HTR2C: variants seen among roughly 807,000 people sequenced by gnomAD.
The protein encoded by HTR2C is 5-hydroxytryptamine (serotonin) receptor 2C, G protein-coupled.
A neutral mutation model predicts 21.0 loss-of-function variants in HTR2C; 5 were observed. The ratio of observed to expected loss-of-function variants is 0.24; its 90% CI spans 0.12 to 0.50. The LOEUF (loss-of-function observed/expected upper bound fraction) is 0.50. Among genes scored for constraint, HTR2C ranks in the 20% least tolerant of loss-of-function variants. The pLI, the probability that HTR2C is intolerant of heterozygous loss-of-function variation, is 0.98. For synonymous variants in HTR2C, 150 were observed against 145.3 expected (o/e 1.03, Z -0.23); for missense variants, 271 against 371.2 (o/e 0.73, Z 2.22).
chrX:114,699,296 C>A (rs1210531019), intron 2 of HTR2C, among the ~76,000 whole-genome samples: 1 of 111,841 alleles, frequency 8.9e-6, no homozygotes, highest in Non-Finnish European at 1.9e-5. Flanking sequence ...CAGCATGAAT[C>A]TTTCAGGTTC....
At chrX:114,800,824 A>G (rs1378878694) in intron 4 of HTR2C, among the ~76,000 whole-genome samples, 2 of 111,641 alleles carry the variant, frequency 1.8e-5, no homozygotes, top group African/African-American at 6.5e-5. Flanking sequence ...GACTTATCCC[A>G]TAGGAACAAG....
At chrX:114,806,600 A>G (rs1318731054) in intron 4 of HTR2C, among the ~76,000 whole-genome samples, 2 of 96,764 alleles carry the variant, frequency 2.1e-5, no homozygotes, top group African/African-American at 7.5e-5. Flanking sequence ...TATATATCAT[A>G]TATACACCAT....
intron 1 of HTR2C, among the ~76,000 whole-genome samples, chrX:114,605,648 T>A (rs1334667790): frequency 2.7e-5 from 3 of 111,179 alleles, no homozygotes; most frequent in Non-Finnish European, 5.7e-5. Context: ...CGAGTTGGTA[T>A]TGGGGTGAAG....
At chrX:114,620,632 C>T (rs1556401479) in intron 2 of HTR2C, among the ~76,000 whole-genome samples, 3 of 111,217 alleles carry the variant, frequency 2.7e-5, no homozygotes, top group African/African-American at 9.8e-5. Flanking sequence ...ATATACTTTC[C>T]TGGCTAAGCT....
At chrX:114,654,107 A>G (rs1359202575) in intron 2 of HTR2C, among the ~76,000 whole-genome samples, 1 of 110,086 alleles carries the variant, frequency 9.1e-6, no homozygotes, top group Non-Finnish European at 1.9e-5. Context: ...CTATTGATCC[A>G]ACTTATGATA....
chrX:114,770,955 C>T (rs782194657), intron 4 of HTR2C, among the ~76,000 whole-genome samples: 84 of 109,374 alleles, frequency 7.7e-4, no homozygotes, highest in Non-Finnish European at 1.4e-3. Flanking sequence ...GTGCCTGCCA[C>T]GACACCCGGC....
At chrX:114,720,499 G>T (rs2428730) in intron 2 of HTR2C, among the ~76,000 whole-genome samples, 2 of 106,208 alleles carry the variant, frequency 1.9e-5, no homozygotes, top group Non-Finnish European at 3.9e-5. Context: ...CAGATTTTCA[G>T]GATCATATTT....
In HTR2C at chrX:114,846,688, A is replaced by C. The variant is rs782813039; in HGVS notation, c.350-1315A>C. On this transcript the variant is annotated intron_variant, in intron 4 of 5. Transcript: ENST00000276198. ...TGACAGGCATTTATAAAAAACAAAA[A>C]CAAAACCCAGTCAATAGTGAAAGAC... 4.3e-4 allele frequency among the ~76,000 whole-genome samples: 48 copies of C among 112,356 alleles called. No homozygotes were observed. The South Asian group carries it at 5.5e-3, about 13-fold the overall frequency.
intron 2 of HTR2C, among the ~76,000 whole-genome samples, chrX:114,642,605 A>G (rs1266464861): frequency 8.9e-6 from 1 of 111,914 alleles, no homozygotes; most frequent in African/African-American, 3.2e-5. Context: ...AGTCAGATTA[A>G]TAAGTGAGAC....
chrX:114,739,990 T>C (rs1184562242), intron 4 of HTR2C, among the ~76,000 whole-genome samples: 1 of 109,284 alleles, frequency 9.2e-6, no homozygotes, highest in African/African-American at 3.3e-5. Context: ...GCACCTGTAG[T>C]CTCAGCTACT....
chrX:114,682,040 AACTAAG>A (rs1419844966), intron 2 of HTR2C, among the ~76,000 whole-genome samples: 2 of 111,474 alleles, frequency 1.8e-5, no homozygotes, highest in Non-Finnish European at 3.8e-5. Flanking sequence ...AACAATTTTA[AACTAAG>A]ACTTATTTTT....
intron 2 of HTR2C, among the ~76,000 whole-genome samples, chrX:114,660,922 A>G (rs1426566478): frequency 8.9e-6 from 1 of 112,100 alleles, no homozygotes; most frequent in Non-Finnish European, 1.9e-5. Context: ...TATTCTATTT[A>G]AGATTATTTA....
intron 1 of HTR2C, among the ~76,000 whole-genome samples, chrX:114,603,016 T>C (rs1436892314): frequency 1.8e-5 from 2 of 110,403 alleles, no homozygotes; most frequent in East Asian, 5.9e-4. Context: ...TGCTGGTGTG[T>C]GGCGATTAGG....
At chrX:114,703,112 G>A (rs1213002810) in intron 2 of HTR2C, among the ~76,000 whole-genome samples, 3 of 105,605 alleles carry the variant, frequency 2.8e-5, no homozygotes, top group Non-Finnish European at 5.8e-5. Flanking sequence ...ATAATAATGG[G>A]AGACTTTAAC....
At chrX:114,739,760 C>G (rs1556425047) in intron 4 of HTR2C, among the ~76,000 whole-genome samples, 1 of 111,642 alleles carries the variant, frequency 9.0e-6, no homozygotes, top group Non-Finnish European at 1.9e-5. Context: ...AAATCCAGCA[C>G]TCAATAGAAG....
intron 2 of HTR2C, among the ~76,000 whole-genome samples, chrX:114,652,009 T>C (rs1446952324): frequency 2.7e-5 from 3 of 111,781 alleles, no homozygotes; most frequent in Admixed American, 9.5e-5. Context: ...CTCCATAGTA[T>C]AATTTTACCT....
In HTR2C at chrX:114,767,132, A is replaced by C. The variant is rs1215446243; in HGVS notation, c.349+35525A>C. On this transcript the variant is annotated intron_variant, in intron 4 of 5. Coordinates refer to ENST00000276198, the MANE Select transcript of HTR2C (RefSeq NM_000868.4). ...GATATATAAGAGTTTTTATGGGAGCATGTACAATTGCAAATTAGCCAAGCC... is the reference window on the plus strand; with the variant it reads ...GATATATAAGAGTTTTTATGGGAGCCTGTACAATTGCAAATTAGCCAAGCC... Among the ~76,000 whole-genome samples, 27 of 111,479 alleles carry C rather than the reference A, an allele frequency of 2.4e-4. No individual in the cohort carries two copies. In the Admixed American group the frequency reaches 2.6e-3, roughly 11 times the overall value.
chrX:114,645,331 G>A (rs6655334), intron 2 of HTR2C, among the ~76,000 whole-genome samples: 3,219 of 111,055 alleles, frequency 0.029, 127 homozygotes, highest in African/African-American at 0.099. Context: ...CAAGAAAACA[G>A]CATGAAAAGA....
chrX:114,861,833 G>A (rs2071008989), intron 5 of HTR2C, among the ~76,000 whole-genome samples: 2 of 110,897 alleles, frequency 1.8e-5, no homozygotes, highest in Admixed American at 1.9e-4. Context: ...CAGGATATTT[G>A]TTTTTCCATT....
Sources: gnomAD v4.1 joint callset for allele counts (sites outside exome capture counted in the v4.1 genomes callset) on GRCh38, gnomAD v4.1.1 for gene constraint, MANE v1.5 for transcripts, NCBI Gene and HGNC (gene_info 2026-07-23, HGNC 2026-07-21) for gene names.